The following RBFOX1 variants were observed in gnomAD, a reference collection of about 807,000 sequenced individuals.
RBFOX1 encodes the protein RNA binding protein fox-1 homolog 1.
Under a neutral mutation model 57.7 loss-of-function variants are expected in RBFOX1, and 8 were observed. The ratio of observed to expected loss-of-function variants is 0.14; its 90% CI spans 0.08 to 0.25. The LOEUF is 0.25. Among genes scored for constraint, RBFOX1 ranks in the 10% least tolerant of loss-of-function variants. The probability of loss-of-function intolerance (pLI) is 1.00; values close to 1 mark genes in which losing one functional copy is unlikely to be tolerated. For synonymous variants in RBFOX1, 326 were observed against 222.4 expected (o/e 1.47, Z -4.15); for missense variants, 611 against 548.5 (o/e 1.11, Z -1.14).
At chr16:6,996,656 TTGTC>T (rs1286948738) in intron 3 of RBFOX1, among the ~76,000 whole-genome samples, 3 of 152,204 alleles carry the variant, frequency 2.0e-5, no homozygotes, top group Admixed American at 6.5e-5. Flanking sequence ...GCTAATTAGT[TTGTC>T]TGAGGTCACA....
chr16:6,873,719 C>T (rs1483556184), intron 3 of RBFOX1, among the ~76,000 whole-genome samples: 1 of 152,176 alleles, frequency 6.6e-6, no homozygotes, highest in East Asian at 1.9e-4. Flanking sequence ...CTATCATCCT[C>T]TCATTGTCGT....
intron 3 of RBFOX1, among the ~76,000 whole-genome samples, chr16:6,966,789 A>ATCTATCTATCTG (rs1227056803): frequency 5.5e-5 from 7 of 127,880 alleles, no homozygotes; most frequent in South Asian, 5.2e-4. Flanking sequence ...CTATCTATCT[A>ATCTATCTATCTG]TCTGTCTGTC....
intron 3 of RBFOX1, among the ~76,000 whole-genome samples, chr16:6,937,401 CTT>C (rs377139239): frequency 6.6e-6 from 1 of 151,348 alleles, no homozygotes; most frequent in African/African-American, 2.4e-5. Flanking sequence ...TTAATGTAGA[CTT>C]TTTTTTTATA....
In RBFOX1 at chr16:6,718,243, C is replaced by T. The variant is rs376828165; in HGVS notation, c.-16+63593C>T. On this transcript the variant is annotated intron_variant, in intron 3 of 15. Coordinates refer to ENST00000550418, the MANE Select transcript of RBFOX1 (RefSeq NM_018723.4). Reference sequence around the variant, plus strand: ...TTAATGTTTATATATTGGTCTTTTCCATATGGTAGGTATGTTGGCACTATT... The same window carrying T: ...TTAATGTTTATATATTGGTCTTTTCTATATGGTAGGTATGTTGGCACTATT... 2.0e-5 allele frequency among the ~76,000 whole-genome samples: 3 copies of T among 152,224 alleles called. No individual in the cohort carries two copies. In the East Asian group the frequency reaches 5.8e-4, roughly 29 times the overall value.
Position 6,835,018 on chromosome 16 carries a change from G to A in RBFOX1, c.-16+180368G>A, listed in dbSNP as rs1300022042. ...CGCCATTCTCCTGCCTCAGCCTCCTGAGTAGCTGGGACTGTAGGCGCCCAA... is the reference window on the plus strand; with the variant it reads ...CGCCATTCTCCTGCCTCAGCCTCCTAAGTAGCTGGGACTGTAGGCGCCCAA... On this transcript the variant is annotated intron_variant, in intron 3 of 15. Coordinates refer to ENST00000550418, the MANE Select transcript of RBFOX1 (RefSeq NM_018723.4). Among the ~76,000 whole-genome samples, 3 of 151,420 alleles carry A rather than the reference G, an allele frequency of 2.0e-5. No individual in the cohort carries two copies. In the East Asian group the frequency reaches 5.9e-4, roughly 30 times the overall value.
chr16:6,353,724 C>T (rs757210336), intron 2 of RBFOX1, among the ~76,000 whole-genome samples: 4 of 152,104 alleles, frequency 2.6e-5, no homozygotes, highest in Non-Finnish European at 5.9e-5. Context: ...AAAGTCTTTG[C>T]TACACTGGTT....
chr16:6,917,418 C>G (rs1271903406), intron 3 of RBFOX1, among the ~76,000 whole-genome samples: 1 of 152,166 alleles, frequency 6.6e-6, no homozygotes, highest in African/African-American at 2.4e-5. Context: ...AAGAAATCTA[C>G]AAGTGCTTTT....
intron 1 of RBFOX1, among the ~76,000 whole-genome samples, chr16:5,291,228 T>C (rs2063526626): frequency 6.7e-6 from 1 of 149,284 alleles, no homozygotes; most frequent in African/African-American, 2.5e-5. Flanking sequence ...ACTGAGATAG[T>C]GTGTGCTCAG....
At position 5,249,960 on chromosome 16, in the gene RBFOX1, C is replaced by T. The variant is rs58351526; in HGVS notation, c.219+9855C>T. ...GTGAGGAGGAGGTTACAGTGAGGAGCAGGTTGCAGTGAGGAGCAGATTGCA... is the reference window on the plus strand; with the variant it reads ...GTGAGGAGGAGGTTACAGTGAGGAGTAGGTTGCAGTGAGGAGCAGATTGCA... On this transcript the variant is annotated intron_variant, in intron 1 of 2. Coordinates refer to the RBFOX1 transcript ENST00000585867. 3.5e-5 allele frequency among the ~76,000 whole-genome samples: 5 copies of T among 142,494 alleles called. No homozygotes were observed. In the South Asian group the frequency reaches 1.2e-3, roughly 33 times the overall value. 93.5% of individuals were successfully genotyped at this position (142,494 alleles called of 152,430 possible).
intron 11 of RBFOX1, among the ~76,000 whole-genome samples, chr16:7,642,837 G>A (rs553375981): frequency 1.3e-5 from 2 of 152,152 alleles, no homozygotes; most frequent in African/African-American, 2.4e-5. Context: ...AGGACAGAAA[G>A]CACCTTTGCA....
intron 5 of RBFOX1, among the ~76,000 whole-genome samples, chr16:7,535,677 T>C (rs891926186): frequency 1.3e-5 from 2 of 152,232 alleles, no homozygotes; most frequent in Admixed American, 1.3e-4. Context: ...AATCCACCCT[T>C]AGTTTGGCAT....
At chr16:7,257,678 G>T (rs996853118) in intron 4 of RBFOX1, among the ~76,000 whole-genome samples, 2 of 152,174 alleles carry the variant, frequency 1.3e-5, no homozygotes, top group Admixed American at 6.5e-5. Flanking sequence ...CTTGGGTCCA[G>T]TGTTTATTTC....
At chr16:7,502,172 C>T (rs942907398) in intron 4 of RBFOX1, among the ~76,000 whole-genome samples, 2 of 152,024 alleles carry the variant, frequency 1.3e-5, no homozygotes, top group Admixed American at 6.6e-5. Context: ...CATATTTTAT[C>T]GTCTTTGCCT....
chr16:5,604,576 G>T (rs1200480556), downstream of RBFOX1, among the ~76,000 whole-genome samples: 1 of 152,140 alleles, frequency 6.6e-6, no homozygotes, highest in Non-Finnish European at 1.5e-5. Flanking sequence ...GTGTACACAT[G>T]TCCCAACATA....
At chr16:6,680,582 C>T (rs978238153) in intron 3 of RBFOX1, among the ~76,000 whole-genome samples, 2 of 152,172 alleles carry the variant, frequency 1.3e-5, no homozygotes, top group African/African-American at 4.8e-5. Flanking sequence ...TTTTCTTAGA[C>T]CTCCTAGCAG....
chr16:5,903,868 T>A (rs2152188356), intron 4 of RBFOX1, among the ~76,000 whole-genome samples: 1 of 152,288 alleles, frequency 6.6e-6, no homozygotes, highest in South Asian at 2.1e-4. Flanking sequence ...GGGGCCTTGG[T>A]TGGTGCAAGC....
chr16:5,923,129 G>C (rs1444568889), intron 4 of RBFOX1, among the ~76,000 whole-genome samples: 1 of 152,220 alleles, frequency 6.6e-6, no homozygotes, highest in Non-Finnish European at 1.5e-5. Context: ...TGATGCATAT[G>C]AGAGATCAGA....
At chr16:7,676,714 T>C in intron 13 of RBFOX1, 60 bp from the exon 14 acceptor site, 3 of 1,428,208 alleles carry the variant, frequency 2.1e-6, no homozygotes, top group East Asian at 2.3e-5. Context: ...GTCTTGCCAC[T>C]GGGCATCCCT....
chr16:5,398,758 G>A (rs576882336), intron 1 of RBFOX1, among the ~76,000 whole-genome samples: 10 of 152,242 alleles, frequency 6.6e-5, no homozygotes, highest in Admixed American at 2.6e-4. Context: ...CCATGGGAGC[G>A]AGGGAAGATA....
Sources: gnomAD v4.1 joint callset for allele counts (sites outside exome capture counted in the v4.1 genomes callset) on GRCh38, gnomAD v4.1.1 for gene constraint, MANE v1.5 for transcripts, NCBI Gene and HGNC (gene_info 2026-07-23, HGNC 2026-07-21) for gene names.